Variants in GPATCH2L observed in about 807,000 individuals in gnomAD.
The protein encoded by GPATCH2L is G-patch domain containing 2 like.
Under a neutral mutation model 57.4 loss-of-function variants are expected in GPATCH2L, and 31 were observed. That is an observed-to-expected ratio of 0.54 (90% CI 0.41 to 0.73). GPATCH2L has a LOEUF of 0.73. Ranked by LOEUF, GPATCH2L falls within the 30% of genes least tolerant of loss-of-function variation. The pLI, the probability that GPATCH2L is intolerant of heterozygous loss-of-function variation, is 0.00. For synonymous variants in GPATCH2L, 199 were observed against 210.7 expected (o/e 0.94, Z 0.48); for missense variants, 481 against 599.9 (o/e 0.80, Z 2.07).
Position 76,209,960 on chromosome 14 carries a change from A to G in GPATCH2L, c.*8109A>G, listed in dbSNP as rs1423124932. The G allele has an allele frequency of 6.6e-6, 1 of 152,252 alleles. No homozygotes were observed. Among genetic ancestry groups the G allele is most frequent in the African/African-American group, 2.4e-5 (1 of 41,472 alleles). The allele number at this position is 152,252 out of a possible 1,614,324, so 9.4% of individuals were successfully genotyped here. On this transcript the variant is annotated 3_prime_UTR_variant, in exon 10 of 10. Coordinates refer to ENST00000261530, the MANE Select transcript of GPATCH2L (RefSeq NM_017926.4). Reference sequence around the variant, plus strand: ...TACTTCAGATGCTGGACAGCCAATAAGAATAACAAAGGTCCACCAGAACCA... The same window carrying G: ...TACTTCAGATGCTGGACAGCCAATAGGAATAACAAAGGTCCACCAGAACCA...
At chr14:76,161,878 A>G (rs1003119720) in intron 2 of GPATCH2L, among the ~76,000 whole-genome samples, 28 of 152,096 alleles carry the variant, frequency 1.8e-4, no homozygotes, top group African/African-American at 6.8e-4. Context: ...TCTACTAAAA[A>G]TATGAAAATT....
chr14:76,165,269 G>T (rs190048830), intron 2 of GPATCH2L, among the ~76,000 whole-genome samples: 2 of 152,020 alleles, frequency 1.3e-5, no homozygotes, highest in Admixed American at 6.6e-5. Context: ...CATGGTGGGC[G>T]GATCATGAGG....
downstream of GPATCH2L, among the ~76,000 whole-genome samples, chr14:76,215,800 A>G (rs982769111): frequency 6.7e-6 from 1 of 150,098 alleles, no homozygotes; most frequent in Middle Eastern, 3.2e-3. Flanking sequence ...TGGCATCGGG[A>G]GATATACCTA....
rs142168403 is a variant in GPATCH2L at position 76,159,129 on chromosome 14, C to G, written c.662+4104C>G. On this transcript the variant is annotated intron_variant, in intron 2 of 9. Transcript: ENST00000261530. ...GGGATTCAAACATGGGCTTGATGAC[C>G]GCTTACTTAGTTGCTGTGGAGTTGA... Among the ~76,000 whole-genome samples, 210 of 152,248 alleles carry G rather than the reference C, an allele frequency of 1.4e-3. 1 individual carries two copies. Among genetic ancestry groups the G allele is most frequent in the African/African-American group, 4.7e-3 (195 of 41,528 alleles).
At chr14:76,220,188 G>A (rs2040508357) in intron 1 of GPATCH2L, among the ~76,000 whole-genome samples, 1 of 152,160 alleles carries the variant, frequency 6.6e-6, no homozygotes. Context: ...TTAATACCAG[G>A]AGGTTGGTCA....
chr14:76,170,135 G>A (rs188136757), intron 3 of GPATCH2L, among the ~76,000 whole-genome samples: 32 of 152,256 alleles, frequency 2.1e-4, no homozygotes, highest in African/African-American at 7.2e-4. Context: ...AATATCTCCT[G>A]CTTTTCACCA....
intron 8 of GPATCH2L, among the ~76,000 whole-genome samples, chr14:76,184,294 G>A (rs534312955): frequency 1.8e-4 from 27 of 151,970 alleles, no homozygotes; most frequent in Non-Finnish European, 3.4e-4. Flanking sequence ...TTTTTCACAT[G>A]CCTATAATTA....
chr14:76,164,529 C>G (rs1594920537), intron 2 of GPATCH2L, among the ~76,000 whole-genome samples: 1 of 152,118 alleles, frequency 6.6e-6, no homozygotes, highest in South Asian at 2.1e-4. Context: ...ACTTTATTGA[C>G]TCTGCTTTTA....
At chr14:76,230,554 C>A (rs889337230) in intron 2 of GPATCH2L, 2 of 151,964 alleles carry the variant, frequency 1.3e-5, no homozygotes, top group Non-Finnish European at 2.9e-5. Context: ...GTTGGCCCAA[C>A]CGTACTTGTT....
In GPATCH2L at chr14:76,176,638, A is replaced by C. The variant is rs1246509469; in HGVS notation, c.1000A>C (p.Thr334Pro). The C allele has an allele frequency of 2.5e-6, 4 of 1,610,174 alleles. No individual in the cohort carries two copies. Among genetic ancestry groups the C allele is most frequent in the Non-Finnish European group, 3.4e-6 (4 of 1,176,486 alleles). The change falls in exon 6 of 10, where the codon ACT becomes CCT. Residue 334 changes from threonine (T) to proline (P), a missense_variant. By Grantham distance (38) the Thr-to-Pro change is conservative. Coordinates refer to ENST00000261530, the MANE Select transcript of GPATCH2L (RefSeq NM_017926.4). ...TTCTTTTTAGGAGACCAGCATAAAC[A>C]CTTTGGGGACTGAGAGGATAAGCCA... ...RLVGKETSIN[T>P]LGTERISHII... is the part of the protein sequence containing the mutation.
intron 2 of GPATCH2L, among the ~76,000 whole-genome samples, chr14:76,161,576 T>C (rs76263326): frequency 0.12 from 17,585 of 152,256 alleles, 1,047 homozygotes; most frequent in Admixed American, 0.15. Flanking sequence ...GAGGGTGTGC[T>C]GTGCTTTTTT....
At chr14:76,195,466 T>G (rs1323128801) in intron 8 of GPATCH2L, among the ~76,000 whole-genome samples, 1 of 152,234 alleles carries the variant, frequency 6.6e-6, no homozygotes, top group East Asian at 1.9e-4. Context: ...GAGGTTGAAC[T>G]TCCTATTAAA....
intron 3 of GPATCH2L, among the ~76,000 whole-genome samples, chr14:76,171,437 C>G (rs1156677533): frequency 6.6e-6 from 1 of 152,106 alleles, no homozygotes; most frequent in Non-Finnish European, 1.5e-5. Flanking sequence ...ATTAGCCAGG[C>G]ATGGTGGCGG....
At chr14:76,176,494 T>A in intron 5 of GPATCH2L, 129 bp from the exon 6 acceptor site, 1 of 666,830 alleles carries the variant, frequency 1.5e-6, no homozygotes, top group Admixed American at 2.5e-5. Flanking sequence ...TGTTTTATTT[T>A]AAGATTGACT....
At chr14:76,225,158 G>A (rs2040531730) in intron 1 of GPATCH2L, among the ~76,000 whole-genome samples, 2 of 152,168 alleles carry the variant, frequency 1.3e-5, no homozygotes, top group African/African-American at 4.8e-5. Context: ...ACCAAGAATA[G>A]AGAAGAGAGT....
At chr14:76,229,576 C>G (rs1308643195) in intron 1 of GPATCH2L, among the ~76,000 whole-genome samples, 1 of 152,156 alleles carries the variant, frequency 6.6e-6, no homozygotes, top group African/African-American at 2.4e-5. Flanking sequence ...GCTCGTTCTC[C>G]CGAGAAGCTG....
chr14:76,167,444 C>T (rs958864580), intron 3 of GPATCH2L, among the ~76,000 whole-genome samples: 4 of 152,122 alleles, frequency 2.6e-5, no homozygotes, highest in Admixed American at 6.5e-5. Flanking sequence ...CTTCTCACTC[C>T]GAAGTCCAAT....
At chr14:76,194,966 C>G (rs757985438) in intron 8 of GPATCH2L, among the ~76,000 whole-genome samples, 4 of 152,068 alleles carry the variant, frequency 2.6e-5, no homozygotes, top group African/African-American at 7.2e-5. Context: ...GATCCCTGTT[C>G]TTAATCTCAA....
chr14:76,152,765 C>G, intron 1 of GPATCH2L: 1 of 456,008 alleles, frequency 2.2e-6, no homozygotes, highest in Non-Finnish European at 4.4e-6. Context: ...GCTGTTCTGC[C>G]TGAGGTTTTT....
Sources: allele counts gnomAD v4.1 joint callset (sites outside exome capture counted in the v4.1 genomes callset), GRCh38; gene constraint gnomAD v4.1.1; transcripts MANE v1.5; gene names NCBI Gene and HGNC (gene_info 2026-07-23, HGNC 2026-07-21).